BRAP: variants seen among roughly 807,000 people sequenced by gnomAD.
BRAP encodes the protein BRCA1-associated protein.
Under a neutral mutation model 73.4 loss-of-function variants are expected in BRAP, and 42 were observed. The ratio of observed to expected loss-of-function variants is 0.57; its 90% CI spans 0.45 to 0.74. The LOEUF (loss-of-function observed/expected upper bound fraction) is 0.74, where lower values mean the gene tolerates loss of function less well. Ranked by LOEUF, BRAP falls within the 30% of genes least tolerant of loss-of-function variation. The pLI, the probability that BRAP is intolerant of heterozygous loss-of-function variation, is 0.00. For missense variants in BRAP, 593 were observed against 751.4 expected (o/e 0.79, Z 2.46); for synonymous variants, 255 against 267.4 (o/e 0.95, Z 0.45).
chr12:111,647,096 C>A (rs992789393), intron 11 of BRAP, among the ~76,000 whole-genome samples: 1 of 152,008 alleles, frequency 6.6e-6, no homozygotes, highest in African/African-American at 2.4e-5. Context: ...ATGGCAAGAC[C>A]CCGTCTCTAC....
intron 1 of BRAP, among the ~76,000 whole-genome samples, chr12:111,683,583 C>T (rs1025002244): frequency 1.3e-5 from 2 of 152,174 alleles, no homozygotes; most frequent in African/African-American, 4.8e-5. Flanking sequence ...CTCTGTCACC[C>T]AGGCTGGAGT....
intron 4 of BRAP, 194 bp from the exon 5 acceptor site, chr12:111,672,968 A>G (rs997922320): frequency 1.9e-6 from 1 of 516,424 alleles, no homozygotes; most frequent in African/African-American, 1.9e-5. Context: ...TCAATATTCC[A>G]TGTTTACAGT....
At chr12:111,647,443 TG>T (rs1434571813) in intron 11 of BRAP, among the ~76,000 whole-genome samples, 2 of 152,236 alleles carry the variant, frequency 1.3e-5, no homozygotes, top group African/African-American at 4.8e-5. Context: ...AGATTATGCA[TG>T]TGAGATATTT....
chr12:111,668,223 G>A (rs1379441616), intron 5 of BRAP, among the ~76,000 whole-genome samples: 1 of 152,120 alleles, frequency 6.6e-6, no homozygotes, highest in Non-Finnish European at 1.5e-5. Context: ...GGCGGGGTGT[G>A]GGGGAAGCCA....
chr12:111,672,751 C>T lies in BRAP; in HGVS notation c.657G>A (p.Met219Ile). The change falls in exon 5 of 12, where the codon ATG becomes ATA. Residue 219 changes from methionine (M) to isoleucine (I), a missense_variant. By Grantham distance (10) the Met-to-Ile change is conservative. Around this residue, in one of 4 missense-constraint regions of BRAP, gnomAD observed 304 missense variants for 337.7 expected, o/e 0.90. Coordinates refer to ENST00000419234, the MANE Select transcript of BRAP (RefSeq NM_006768.5). ...RAQADADSFY[M>I]TCNGRQFNSI... The stretch of plus-strand genomic sequence containing the variant: ...AGTTGAACTGGCGGCCATTGCATGT[C>T]ATATAAAAACTATCCGCATCAGCCT... 1 of 1,613,972 alleles carries T rather than the reference C, an allele frequency of 6.2e-7. No individual in the cohort carries two copies. The highest frequency in any genetic ancestry group is 8.5e-7 in the Non-Finnish European group (1 of 1,179,988).
chr12:111,668,338 A>C (rs1887037397), intron 5 of BRAP, among the ~76,000 whole-genome samples: 1 of 150,794 alleles, frequency 6.6e-6, no homozygotes, highest in African/African-American at 2.4e-5. Flanking sequence ...TACAATGTTA[A>C]TTTTTTTTTT....
chr12:111,659,720 G>A (rs926924017), intron 7 of BRAP, among the ~76,000 whole-genome samples: 8 of 151,924 alleles, frequency 5.3e-5, no homozygotes, highest in Non-Finnish European at 4.4e-5. Context: ...TGAGACACTA[G>A]AAGACAGAAT....
chr12:111,685,661 T>G (rs769386490), intron 1 of BRAP, 50 bp downstream of exon 1: 1 of 1,565,432 alleles, frequency 6.4e-7, no homozygotes, highest in Non-Finnish European at 8.6e-7. Context: ...AGGGAAGCCC[T>G]CCGGGCCCAG....
At chr12:111,671,271 C>T (rs1212812503) in intron 5 of BRAP, among the ~76,000 whole-genome samples, 3 of 152,110 alleles carry the variant, frequency 2.0e-5, no homozygotes, top group Non-Finnish European at 4.4e-5. Context: ...GAATCAACGC[C>T]ATGCACAGTG....
At chr12:111,655,424 G>A in intron 10 of BRAP, 142 bp downstream of exon 10, 1 of 578,172 alleles carries the variant, frequency 1.7e-6, no homozygotes, top group South Asian at 3.5e-5. Flanking sequence ...CTTTTTAGTG[G>A]CAAAACAGTT....
At chr12:111,651,192 AGCCTGCC>A (rs1159878598) in intron 10 of BRAP, among the ~76,000 whole-genome samples, 1,966 of 151,322 alleles carry the variant, frequency 0.013, 49 homozygotes, top group African/African-American at 0.045. Flanking sequence ...TTTTCCATAC[AGCCTGCC>A]TAGCAAGTCT....
intron 2 of BRAP, 132 bp downstream of exon 2, chr12:111,683,014 T>C: frequency 3.1e-6 from 3 of 958,538 alleles, no homozygotes; most frequent in Non-Finnish European, 1.6e-6. Flanking sequence ...AACAGTGTCA[T>C]ATAAAGCACA....
rs750355872 is a variant in BRAP, at chr12:111,654,064, A to G, written c.1311+1502T>C. On this transcript the variant is annotated intron_variant, in intron 10 of 11. Transcript: ENST00000419234. ...ACTGGTATATCCCATGGAAAAACCC[A>G]TGAGTGCAGCTGCAGTGGAGCTGCC... 9.2e-5 allele frequency among the ~76,000 whole-genome samples: 14 copies of G among 152,340 alleles called. No homozygotes were observed. The South Asian group carries it at 2.3e-3, about 25-fold the overall frequency.
In BRAP at chr12:111,649,951, G is replaced by A; in HGVS notation, c.1403C>T (p.Ser468Phe). 6.9e-6 allele frequency: 11 copies of A among 1,603,614 alleles called. No individual in the cohort carries two copies. Among genetic ancestry groups the A allele is most frequent in the Non-Finnish European group, 7.7e-6 (9 of 1,171,052 alleles). Residue 468 changes from serine (S) to phenylalanine (F), a missense_variant, in exon 11 of 12, where the codon TCT becomes TTT. Ser to Phe is a radical substitution (Grantham distance 155). This residue lies in a region of BRAP where 143 missense variants were observed against 190.4 expected (regional missense o/e 0.75). Transcript: ENST00000419234. ...CGATTATACCTACTTTCTTTCCACA[G>A]ACTGCTTTTCTTTTAGGAGATCATT... ...KLNDLLKEKQ[S>F]VERKCTQLNT...
intron 4 of BRAP, among the ~76,000 whole-genome samples, chr12:111,674,488 C>T (rs994246356): frequency 1.1e-4 from 17 of 152,302 alleles, no homozygotes; most frequent in African/African-American, 4.1e-4. Context: ...GGCAATCCAC[C>T]CACCTCGGTC....
At chr12:111,654,284 A>G (rs755252012) in intron 10 of BRAP, among the ~76,000 whole-genome samples, 1 of 152,074 alleles carries the variant, frequency 6.6e-6, no homozygotes, top group Non-Finnish European at 1.5e-5. Context: ...AAGTTCATCA[A>G]TAACTTTTAA....
chr12:111,680,762 G>C (rs916696235), intron 3 of BRAP, among the ~76,000 whole-genome samples: 1 of 152,122 alleles, frequency 6.6e-6, no homozygotes, highest in African/African-American at 2.4e-5. Flanking sequence ...AATAGTCACT[G>C]TTTTCCCAGT....
intron 8 of BRAP, 145 bp downstream of exon 8, chr12:111,659,062 A>T: frequency 6.0e-6 from 6 of 999,234 alleles, no homozygotes; most frequent in Non-Finnish European, 8.7e-6. Context: ...TCCTAGAAAA[A>T]TAGTGCCCTC....
At chr12:111,656,141 AAGGGTT>A (rs1886523050) in intron 9 of BRAP, among the ~76,000 whole-genome samples, 1 of 152,216 alleles carries the variant, frequency 6.6e-6, no homozygotes, top group South Asian at 2.1e-4. Flanking sequence ...CTTTGAAAGC[AAGGGTT>A]ATATCTCTAC....
Sources: gnomAD v4.1 joint callset for allele counts (sites outside exome capture counted in the v4.1 genomes callset) on GRCh38, gnomAD v4.1.1 for gene constraint, gnomAD v4.1.1 regional missense constraint, MANE v1.5 for transcripts, NCBI Gene and HGNC (gene_info 2026-07-23, HGNC 2026-07-21) for gene names.